ZKSCAN1: variants seen among roughly 807,000 people sequenced by gnomAD.
ZKSCAN1 encodes zinc finger protein with KRAB and SCAN domains 1.
Under a neutral mutation model 51.6 loss-of-function variants are expected in ZKSCAN1, and 14 were observed. That is an observed-to-expected ratio of 0.27 (90% CI 0.18 to 0.42). The LOEUF (loss-of-function observed/expected upper bound fraction) is 0.42, where lower values mean the gene tolerates loss of function less well. ZKSCAN1 is among the 10% of genes least tolerant of loss of function. ZKSCAN1 has a pLI of 1.00. For missense variants in ZKSCAN1, 531 were observed against 710.0 expected, an observed-to-expected ratio of 0.75 and a Z score of 2.86; for synonymous variants, 263 against 261.5, an observed-to-expected ratio of 1.01 and a Z score of -0.06.
chr7:100,036,147 G>A lies in ZKSCAN1; in HGVS notation c.*1950G>A, dbSNP rs1791354115. Reference sequence around the variant, plus strand: ...AAAACTGCACAGTGGTCATTCTTTGGCCTCTCCTTGGCTTTATGACTTAAA... The same window carrying A: ...AAAACTGCACAGTGGTCATTCTTTGACCTCTCCTTGGCTTTATGACTTAAA... On this transcript the variant is annotated 3_prime_UTR_variant, in exon 6 of 6. Transcript: ENST00000324306. 1 of 985,330 alleles carries A rather than the reference G, an allele frequency of 1.0e-6. No individual in the cohort carries two copies. The highest frequency in any genetic ancestry group is 4.7e-5 in the South Asian group (1 of 21,288). The allele number at this position is 985,330 out of a possible 1,614,324, so 61.0% of individuals were successfully genotyped here.
rs981285214 is a variant in ZKSCAN1 at position 100,040,777 on chromosome 7, C to G, written c.*6580C>G. ...GGTTGGTACCCGAGCGCCTTCCCCT[C>G]ACCTCAACCAGAGAAGAGCATCCGG... is the stretch of plus-strand genomic sequence containing the variant. On this transcript the variant is annotated 3_prime_UTR_variant, in exon 6 of 6. Coordinates refer to ENST00000324306, the MANE Select transcript of ZKSCAN1 (RefSeq NM_003439.4). The G allele has an allele frequency of 4.1e-6, 4 of 985,340 alleles. No homozygotes were observed. Among genetic ancestry groups the G allele is most frequent in the Non-Finnish European group, 4.8e-6 (4 of 829,970 alleles). 61.0% of individuals were successfully genotyped at this position (985,340 alleles called of 1,614,324 possible).
At chr7:100,017,446 C>T (rs1016969228) in intron 1 of ZKSCAN1, among the ~76,000 whole-genome samples, 2 of 152,220 alleles carry the variant, frequency 1.3e-5, no homozygotes, top group African/African-American at 4.8e-5. Context: ...TGGTCTCGAA[C>T]GCCTGATCTC....
At chr7:100,044,680 CAAAAAAAAAAAAAAAAA>C, downstream of ZKSCAN1, 1 of 408,116 alleles carries the variant, frequency 2.5e-6, no homozygotes, top group Admixed American at 1.2e-4. Context: ...GACTCTATCT[CAAAAAAAAAAAAAAAAA>C]AAAAAAAAGT....
rs969155155 is a variant in ZKSCAN1, at chr7:100,037,848, T to C, written c.*3651T>C. The C allele has an allele frequency of 5.5e-5, 38 of 687,776 alleles. No individual in the cohort carries two copies. Among genetic ancestry groups the C allele is most frequent in the Non-Finnish European group, 6.8e-5 (38 of 558,948 alleles). The allele number at this position is 687,776 out of a possible 1,614,324, so 42.6% of individuals were successfully genotyped here. ...CTGGCCAACATGGTGAAACCTTGTC[T>C]CTACTAAAAATACAAAAAAAAATTA... On this transcript the variant is annotated 3_prime_UTR_variant, in exon 6 of 6. Transcript: ENST00000324306.
rs1048062102 is a variant in ZKSCAN1 at position 100,030,015 on chromosome 7, T to C, written c.672+63T>C. ...GTCTGCCTCTGTTCCTGAGCTCTCT[T>C]CATTATCTCCACAGGCCACTCTGGA... On this transcript the variant is annotated intron_variant, in intron 4 of 5. Coordinates refer to ENST00000324306, the MANE Select transcript of ZKSCAN1 (RefSeq NM_003439.4). 2.2e-5 allele frequency: 35 copies of C among 1,576,292 alleles called. No homozygotes were observed. The African/African-American group carries it at 3.4e-4, about 15-fold the overall frequency.
At chr7:100,023,030 C>T (rs906183111) in intron 1 of ZKSCAN1, among the ~76,000 whole-genome samples, 1 of 150,410 alleles carries the variant, frequency 6.6e-6, no homozygotes, top group African/African-American at 2.4e-5. Context: ...TTTTTTTTGA[C>T]GGAGTTTAAC....
At chr7:100,024,023 G>C in intron 2 of ZKSCAN1, 91 bp downstream of exon 2, 1 of 1,520,840 alleles carries the variant, frequency 6.6e-7, no homozygotes, top group Non-Finnish European at 8.8e-7. Flanking sequence ...AGGTTATTAG[G>C]TGGTTACTCT....
At chr7:100,023,156 G>A (rs753740122) in intron 1 of ZKSCAN1, among the ~76,000 whole-genome samples, 58 of 152,002 alleles carry the variant, frequency 3.8e-4, no homozygotes, top group Non-Finnish European at 7.2e-4. Context: ...GATTACAGGC[G>A]CCTGCCACCA....
In ZKSCAN1 at chr7:100,034,212, A is replaced by G. The variant is rs763798345; in HGVS notation, c.*15A>G. The G allele has an allele frequency of 2.0e-6, 3 of 1,500,146 alleles. No individual in the cohort carries two copies. Among genetic ancestry groups the G allele is most frequent in the Non-Finnish European group, 2.6e-6 (3 of 1,132,346 alleles). The allele number at this position is 1,500,146 out of a possible 1,614,324, so 92.9% of individuals were successfully genotyped here. The stretch of plus-strand genomic sequence containing the variant: ...GTTGTGTGTAAAGGAAGAATTTGCC[A>G]TCAAGCCATTTCCCCCTTTTGTTTC... On this transcript the variant is annotated 3_prime_UTR_variant, in exon 6 of 6. Coordinates refer to ENST00000324306, the MANE Select transcript of ZKSCAN1 (RefSeq NM_003439.4).
intron 3 of ZKSCAN1, among the ~76,000 whole-genome samples, chr7:100,025,739 C>T (rs2115870825): frequency 6.6e-6 from 1 of 152,286 alleles, no homozygotes; most frequent in South Asian, 2.1e-4. Context: ...GGAATTGTAA[C>T]ACAGTGGTAA....
chr7:100,029,782 A>G (rs2115907204), intron 3 of ZKSCAN1, 79 bp from the exon 4 acceptor site: 1 of 1,337,630 alleles, frequency 7.5e-7, no homozygotes, highest in Non-Finnish European at 1.1e-6. Flanking sequence ...TGGTGCAGGA[A>G]GGAACATGCC....
In ZKSCAN1 at chr7:100,035,303, A is replaced by G. The variant is rs1791307513; in HGVS notation, c.*1106A>G. On this transcript the variant is annotated 3_prime_UTR_variant, in exon 6 of 6. Transcript: ENST00000324306. ...TGTTTTTGTTCCAAATATAAACGAA[A>G]GGCACTAGTCAGCCGCCTGCATAGA... The G allele has an allele frequency of 6.6e-6, 1 of 152,244 alleles. No homozygotes were observed. The allele number at this position is 152,244 out of a possible 1,614,324, so 9.4% of individuals were successfully genotyped here.
At chr7:100,018,750 G>A (rs1259847407) in intron 1 of ZKSCAN1, among the ~76,000 whole-genome samples, 2 of 152,144 alleles carry the variant, frequency 1.3e-5, no homozygotes, top group Non-Finnish European at 2.9e-5. Context: ...AGACAGAAGA[G>A]TATGTGCTCA....
chr7:100,038,442 T>A lies in ZKSCAN1; in HGVS notation c.*4245T>A, dbSNP rs1348597947. ...GGTAAATTTCTGAGGAAAGACAGGC[T>A]AATGGGGCACTGAAATGGAACAACT... On this transcript the variant is annotated 3_prime_UTR_variant, in exon 6 of 6. Transcript: ENST00000324306. The A allele has an allele frequency of 1.0e-6, 1 of 985,334 alleles. No individual in the cohort carries two copies. Among genetic ancestry groups the A allele is most frequent in the East Asian group, 1.1e-4 (1 of 8,824 alleles). 61.0% of individuals were successfully genotyped at this position (985,334 alleles called of 1,614,324 possible).
chr7:100,027,640 C>G (rs540025620), intron 3 of ZKSCAN1, among the ~76,000 whole-genome samples: 5 of 149,702 alleles, frequency 3.3e-5, no homozygotes, highest in East Asian at 4.1e-4. Flanking sequence ...CCCAGCTACT[C>G]AGGAGGCTGA....
At chr7:100,031,273 A>ATTTTTTTTTT (rs60390216) in intron 5 of ZKSCAN1, among the ~76,000 whole-genome samples, 2 of 89,506 alleles carry the variant, frequency 2.2e-5, no homozygotes, top group East Asian at 3.2e-4. Flanking sequence ...GTACTAGATG[A>ATTTTTTTTTT]TTTTTTTTTT....
intron 3 of ZKSCAN1, among the ~76,000 whole-genome samples, chr7:100,026,019 G>A (rs1277766862): frequency 1.3e-5 from 2 of 151,992 alleles, no homozygotes; most frequent in Non-Finnish European, 2.9e-5. Context: ...TCAGGAGTTC[G>A]AGATCAGCCT....
At position 100,037,386 on chromosome 7, in the gene ZKSCAN1, T is replaced by A. The variant is rs1791410257; in HGVS notation, c.*3189T>A. 3 of 985,348 alleles carry A rather than the reference T, an allele frequency of 3.0e-6. No individual in the cohort carries two copies. The highest frequency in any genetic ancestry group is 9.4e-5 in the South Asian group (2 of 21,288). The allele number at this position is 985,348 out of a possible 1,614,324, so 61.0% of individuals were successfully genotyped here. A position where few individuals can be genotyped will look rare whatever the true frequency, so the allele number is the denominator to read the frequency against. Reference sequence around the variant, plus strand: ...CAGGCAAGGCTAAAACCTGAGATTATCGATCTATGAGACATCTTGATATGT... The same window carrying A: ...CAGGCAAGGCTAAAACCTGAGATTAACGATCTATGAGACATCTTGATATGT... On this transcript the variant is annotated 3_prime_UTR_variant, in exon 6 of 6. Coordinates refer to ENST00000324306, the MANE Select transcript of ZKSCAN1 (RefSeq NM_003439.4).
At chr7:100,044,606 G>A (rs1309111809), downstream of ZKSCAN1, among the ~76,000 whole-genome samples, 1 of 150,140 alleles carries the variant, frequency 6.7e-6, no homozygotes, top group Non-Finnish European at 1.5e-5. Flanking sequence ...GCGTGAACCC[G>A]GGAGGTGGAG....
Sources: allele counts gnomAD v4.1 joint callset (sites outside exome capture counted in the v4.1 genomes callset), GRCh38; gene constraint gnomAD v4.1.1; transcripts MANE v1.5; gene names NCBI Gene and HGNC (gene_info 2026-07-23, HGNC 2026-07-21).